The following KHDRBS2 variants were observed in gnomAD, a reference collection of about 807,000 sequenced individuals.
KHDRBS2 encodes KH RNA binding domain containing, signal transduction associated 2, also known as KH domain-containing, RNA-binding, signal transduction-associated protein 2.
Under a neutral mutation model 44.3 loss-of-function variants are expected in KHDRBS2, and 26 were observed. That is an observed-to-expected ratio of 0.59 (90% confidence interval 0.43 to 0.81). The LOEUF (loss-of-function observed/expected upper bound fraction) is 0.81. KHDRBS2 is among the 40% of genes least tolerant of loss of function. The probability of loss-of-function intolerance (pLI) is 0.00; values close to 1 mark genes in which losing one functional copy is unlikely to be tolerated. For synonymous variants in KHDRBS2, 194 were observed against 151.1 expected (o/e 1.28, Z -2.08); for missense variants, 476 against 433.1 (o/e 1.10, Z -0.88).
Position 62,051,821 on chromosome 6 carries a change from G to C in KHDRBS2, c.220-3827C>G, listed in dbSNP as rs1199177557. On this transcript the variant is annotated intron_variant, in intron 2 of 8. Transcript: ENST00000281156. ...AAAACCGATTTAAAAATGGGCAAAA[G>C]ATCTAAATAGACACTTATAAAAAGA... Among the ~76,000 whole-genome samples, 5 of 151,742 alleles carry C rather than the reference G, an allele frequency of 3.3e-5. No individual in the cohort carries two copies. The South Asian group carries it at 1.0e-3, about 32-fold the overall frequency.
chr6:61,659,093 C>G, the KHDRBS2 span: 1 of 151,804 alleles, frequency 6.6e-6, no homozygotes, highest in Non-Finnish European at 1.5e-5. Context: ...GATGATCTCT[C>G]TAGCATAGTG....
At chr6:62,038,159 C>T (rs1785692992) in intron 3 of KHDRBS2, among the ~76,000 whole-genome samples, 1 of 151,880 alleles carries the variant, frequency 6.6e-6, no homozygotes. Flanking sequence ...TCAAGTGGTC[C>T]AATCGTTGTG....
chr6:62,250,538 G>T (rs1352632515), intron 1 of KHDRBS2, among the ~76,000 whole-genome samples: 3 of 151,830 alleles, frequency 2.0e-5, no homozygotes, highest in Non-Finnish European at 4.4e-5. Flanking sequence ...AGGGAGGGAG[G>T]AAGGCAGGAA....
the KHDRBS2 span, among the ~76,000 whole-genome samples, chr6:61,608,801 G>A: frequency 1.3e-5 from 2 of 152,120 alleles, no homozygotes; most frequent in African/African-American, 2.4e-5. Flanking sequence ...GTATTCCATG[G>A]TGTATATGTG....
At chr6:61,585,630 T>C in the KHDRBS2 span, among the ~76,000 whole-genome samples, 15 of 152,244 alleles carry the variant, frequency 9.9e-5, no homozygotes, top group East Asian at 2.9e-3. Context: ...TATAAAGTCC[T>C]GAAATGTGCT....
intron 2 of KHDRBS2, among the ~76,000 whole-genome samples, chr6:62,049,140 T>C (rs1044592198): frequency 7.2e-5 from 11 of 151,934 alleles, no homozygotes; most frequent in Admixed American, 2.6e-4. Flanking sequence ...TGGATTGTTG[T>C]ACGTATAGGT....
intron 2 of KHDRBS2, among the ~76,000 whole-genome samples, chr6:62,098,857 T>G (rs911053886): frequency 6.6e-6 from 1 of 152,182 alleles, no homozygotes; most frequent in Non-Finnish European, 1.5e-5. Flanking sequence ...CCTCCATGTA[T>G]TTCAAATAGT....
chr6:62,006,834 G>C (rs948736644), intron 3 of KHDRBS2, among the ~76,000 whole-genome samples: 1 of 151,610 alleles, frequency 6.6e-6, no homozygotes, highest in Non-Finnish European at 1.5e-5. Flanking sequence ...AAGGATGATG[G>C]TGGAATCATC....
chr6:61,774,478 C>T (rs908204398), intron 6 of KHDRBS2, among the ~76,000 whole-genome samples: 5 of 152,098 alleles, frequency 3.3e-5, no homozygotes, highest in African/African-American at 1.2e-4. Flanking sequence ...GTACAAAAAT[C>T]ACAAGCATTC....
At chr6:62,262,792 G>A (rs369005296) in intron 1 of KHDRBS2, among the ~76,000 whole-genome samples, 1 of 151,542 alleles carries the variant, frequency 6.6e-6, no homozygotes, top group African/African-American at 2.4e-5. Context: ...ATACATGAAA[G>A]TATCCACAAG....
At chr6:61,912,232 G>GA (rs1352521744) in intron 4 of KHDRBS2, among the ~76,000 whole-genome samples, 2 of 151,964 alleles carry the variant, frequency 1.3e-5, no homozygotes, top group Non-Finnish European at 2.9e-5. Context: ...AAAGTATTTG[G>GA]AAAAAAATAC....
chr6:61,930,466 G>A (rs376572136), intron 4 of KHDRBS2, among the ~76,000 whole-genome samples: 155 of 135,922 alleles, frequency 1.1e-3, no homozygotes, highest in African/African-American at 4.2e-3. Context: ...ATCACTGTGT[G>A]CCAAGTGTAG....
In KHDRBS2 at chr6:62,285,978, A is replaced by C; in HGVS notation, c.-30T>G. ...CGGACTTCGGATTGTCCCCGGGCGA[A>C]GCGCGAGGTTCCGCTCGCTCGGACG... On this transcript the variant is annotated 5_prime_UTR_variant, in exon 1 of 9. Transcript: ENST00000281156. The C allele has an allele frequency of 7.0e-7, 1 of 1,428,804 alleles. No individual in the cohort carries two copies. The highest frequency in any genetic ancestry group is 1.7e-5 in the Admixed American group (1 of 58,576). The allele number at this position is 1,428,804 out of a possible 1,614,324, so 88.5% of individuals were successfully genotyped here.
intron 6 of KHDRBS2, among the ~76,000 whole-genome samples, chr6:61,832,264 A>G (rs1791949832): frequency 6.6e-6 from 1 of 152,152 alleles, no homozygotes; most frequent in African/African-American, 2.4e-5. Flanking sequence ...GAAAGTATTG[A>G]ATGGTCTAAA....
the KHDRBS2 span, among the ~76,000 whole-genome samples, chr6:61,572,196 T>G: frequency 6.6e-6 from 1 of 152,032 alleles, no homozygotes; most frequent in Admixed American, 6.6e-5. Flanking sequence ...AACACCTTTA[T>G]GAGCACAAAC....
At chr6:62,004,540 T>A (rs1187281832) in intron 3 of KHDRBS2, among the ~76,000 whole-genome samples, 1 of 151,846 alleles carries the variant, frequency 6.6e-6, no homozygotes, top group Non-Finnish European at 1.5e-5. Context: ...CCAAAAAAAC[T>A]CCATGACCAG....
At chr6:62,264,349 T>C (rs1294519705) in intron 1 of KHDRBS2, among the ~76,000 whole-genome samples, 4 of 151,810 alleles carry the variant, frequency 2.6e-5, no homozygotes, top group Admixed American at 6.6e-5. Context: ...TATTACCTAT[T>C]CCTTTAATCA....
intron 6 of KHDRBS2, among the ~76,000 whole-genome samples, chr6:61,866,865 A>G (rs562729446): frequency 3.3e-5 from 5 of 152,180 alleles, no homozygotes; most frequent in Non-Finnish European, 7.4e-5. Context: ...CCAGTTTCCA[A>G]CAAGTTCCTA....
chr6:61,677,605 A>C (rs1297876285), downstream of KHDRBS2, among the ~76,000 whole-genome samples: 1 of 151,894 alleles, frequency 6.6e-6, no homozygotes, highest in Non-Finnish European at 1.5e-5. Context: ...TAGGAACAGC[A>C]CTCATTCTTT....
Sources: allele counts gnomAD v4.1 joint callset (sites outside exome capture counted in the v4.1 genomes callset), GRCh38; gene constraint gnomAD v4.1.1; transcripts MANE v1.5; gene names NCBI Gene and HGNC (gene_info 2026-07-23, HGNC 2026-07-21).